DTNA: variants seen among roughly 807,000 people sequenced by gnomAD.
DTNA encodes dystrobrevin alpha.
A neutral mutation model predicts 100.7 loss-of-function variants in DTNA; 43 were observed. The ratio of observed to expected loss-of-function variants is 0.43; its 90% CI spans 0.33 to 0.55. The LOEUF is 0.55. Ranked by LOEUF, DTNA falls within the 20% of genes least tolerant of loss-of-function variation. DTNA has a pLI of 0.04. For missense variants in DTNA, 798 were observed against 953.9 expected (o/e 0.84, Z 2.15); for synonymous variants, 349 against 347.9 (o/e 1.00, Z -0.04).
chr18:34,535,436 G>A (rs1255456562), intron 1 of DTNA, among the ~76,000 whole-genome samples: 1 of 152,058 alleles, frequency 6.6e-6, no homozygotes, highest in African/African-American at 2.4e-5. Flanking sequence ...CTCCCATTCT[G>A]TAGGCTGCTT....
At chr18:34,500,494 C>A (rs1272985269) in intron 1 of DTNA, among the ~76,000 whole-genome samples, 2 of 150,862 alleles carry the variant, frequency 1.3e-5, no homozygotes, top group East Asian at 3.9e-4. Context: ...GACTGAGTCT[C>A]ATTCTGTCGC....
At chr18:34,657,339 G>A (rs533112097) in intron 1 of DTNA, among the ~76,000 whole-genome samples, 8 of 151,864 alleles carry the variant, frequency 5.3e-5, no homozygotes, top group African/African-American at 1.7e-4. Flanking sequence ...TACTTTTTTG[G>A]TATTGCTCAG....
At chr18:34,627,065 A>G (rs184835858) in intron 1 of DTNA, among the ~76,000 whole-genome samples, 13 of 152,290 alleles carry the variant, frequency 8.5e-5, no homozygotes, top group African/African-American at 2.6e-4. Flanking sequence ...AGAACAAAAT[A>G]AATTTGTCAT....
At chr18:34,601,915 C>T (rs1225388616) in intron 1 of DTNA, among the ~76,000 whole-genome samples, 1 of 152,168 alleles carries the variant, frequency 6.6e-6, no homozygotes, top group Non-Finnish European at 1.5e-5. Context: ...AATGTGAAAT[C>T]TTAATGCTTT....
At chr18:34,631,195 A>G (rs1346854164) in intron 1 of DTNA, among the ~76,000 whole-genome samples, 2 of 152,182 alleles carry the variant, frequency 1.3e-5, no homozygotes, top group Non-Finnish European at 2.9e-5. Flanking sequence ...TAATTCTACC[A>G]CTTAGTAGCT....
chr18:34,821,272 G>A (rs538546766), intron 9 of DTNA, among the ~76,000 whole-genome samples: 4 of 152,312 alleles, frequency 2.6e-5, no homozygotes, highest in African/African-American at 9.6e-5. Flanking sequence ...TTTCATATGT[G>A]CTTTGAGTTC....
At chr18:34,505,512 C>T (rs886256504) in intron 1 of DTNA, among the ~76,000 whole-genome samples, 4 of 152,182 alleles carry the variant, frequency 2.6e-5, no homozygotes, top group Non-Finnish European at 5.9e-5. Context: ...CTTTCTTTCT[C>T]TCTCTTTTTA....
At chr18:34,768,774 T>C (rs754465897) in intron 3 of DTNA, among the ~76,000 whole-genome samples, 1 of 152,196 alleles carries the variant, frequency 6.6e-6, no homozygotes, top group Non-Finnish European at 1.5e-5. Flanking sequence ...GACATTGTGC[T>C]AGGTACCAAG....
intron 1 of DTNA, among the ~76,000 whole-genome samples, chr18:34,666,127 G>A (rs1196671351): frequency 1.3e-5 from 2 of 152,208 alleles, no homozygotes; most frequent in African/African-American, 2.4e-5. Flanking sequence ...ACTGGTGTGA[G>A]ATGATATCTC....
chr18:34,786,853 A>G (rs1427767737), intron 3 of DTNA, among the ~76,000 whole-genome samples: 1 of 152,210 alleles, frequency 6.6e-6, no homozygotes, highest in African/African-American at 2.4e-5. Context: ...AACTGCATAA[A>G]TTAATTTATG....
intron 3 of DTNA, among the ~76,000 whole-genome samples, chr18:34,787,538 T>C (rs996949362): frequency 3.3e-5 from 5 of 152,224 alleles, no homozygotes; most frequent in African/African-American, 1.2e-4. Flanking sequence ...ATGATTCTAC[T>C]ATTTCTAATA....
At chr18:34,608,110 A>G (rs1390158192) in intron 1 of DTNA, among the ~76,000 whole-genome samples, 1 of 152,166 alleles carries the variant, frequency 6.6e-6, no homozygotes, top group Non-Finnish European at 1.5e-5. Flanking sequence ...TGACAGACTC[A>G]ATTATAATTT....
In DTNA at chr18:34,719,442, A is replaced by T. The variant is rs138681660; in HGVS notation, c.-2+8997A>T. The stretch of plus-strand genomic sequence containing the variant: ...TACTTTTACCATCTTTATTTTACAG[A>T]TGAAGAAATTAAGGCCCGAGAGGTT... On this transcript the variant is annotated intron_variant, in intron 1 of 22. Transcript: ENST00000444659. 2.1e-3 allele frequency among the ~76,000 whole-genome samples: 325 copies of T among 152,288 alleles called. 2 individuals are homozygous for T. The highest frequency in any genetic ancestry group is 7.2e-3 in the African/African-American group (300 of 41,546).
intron 20 of DTNA, among the ~76,000 whole-genome samples, chr18:34,880,907 AAATTCATATCTATTTGACTTTTTATTATT>A: frequency 6.6e-6 from 1 of 152,212 alleles, no homozygotes; most frequent in African/African-American, 2.4e-5. Flanking sequence ...TTTGTCTGGT[AAATTCATATCTATTTGACTTTTTATTATT>A]AAGCATTTAT....
At chr18:34,708,854 T>G (rs1368124082), upstream of DTNA, among the ~76,000 whole-genome samples, 1 of 152,250 alleles carries the variant, frequency 6.6e-6, no homozygotes, top group Non-Finnish European at 1.5e-5. Context: ...GACTATCTCA[T>G]TTAATCCATT....
chr18:34,506,471 G>A (rs2040504907), intron 1 of DTNA, among the ~76,000 whole-genome samples: 1 of 152,218 alleles, frequency 6.6e-6, no homozygotes, highest in African/African-American at 2.4e-5. Context: ...GGCAAGGATG[G>A]AAGTGTAGGT....
intron 1 of DTNA, among the ~76,000 whole-genome samples, chr18:34,649,631 C>T (rs1334219895): frequency 6.6e-6 from 1 of 152,148 alleles, no homozygotes; most frequent in Non-Finnish European, 1.5e-5. Context: ...ATGATTTCTA[C>T]AGAAAAAACT....
chr18:34,885,775 C>T (rs979782766), intron 22 of DTNA, among the ~76,000 whole-genome samples: 1 of 152,172 alleles, frequency 6.6e-6, no homozygotes, highest in African/African-American at 2.4e-5. Flanking sequence ...ATGTTCAGTG[C>T]TTTATAGCAC....
chr18:34,857,724 A>G (rs1358081342), intron 15 of DTNA, among the ~76,000 whole-genome samples: 1 of 152,034 alleles, frequency 6.6e-6, no homozygotes, highest in Admixed American at 6.5e-5. Context: ...AAAAAAAAAG[A>G]GAAAGAATTT....
Sources: allele counts gnomAD v4.1 joint callset (sites outside exome capture counted in the v4.1 genomes callset), GRCh38; gene constraint gnomAD v4.1.1; transcripts MANE v1.5; gene names NCBI Gene and HGNC (gene_info 2026-07-23, HGNC 2026-07-21).